Variants in GSE1 observed in about 807,000 individuals in gnomAD.
GSE1 encodes Gse1 coiled-coil protein, also known as genetic suppressor element 1.
Under a neutral mutation model 112.6 loss-of-function variants are expected in GSE1, and 32 were observed. That is an observed-to-expected ratio of 0.28 (90% CI 0.21 to 0.38). The LOEUF (loss-of-function observed/expected upper bound fraction) is 0.38. Among genes scored for constraint, GSE1 ranks in the 10% least tolerant of loss-of-function variants. GSE1 has a pLI of 1.00. For missense variants in GSE1, 2,348 were observed against 1,699.2 expected, an observed-to-expected ratio of 1.38 and a Z score of -6.71; for synonymous variants, 1,115 against 735.6, an observed-to-expected ratio of 1.52 and a Z score of -8.35.
intron 1 of GSE1, among the ~76,000 whole-genome samples, chr16:85,240,925 G>T (rs1905117904): frequency 6.6e-6 from 1 of 152,164 alleles, no homozygotes; most frequent in African/African-American, 2.4e-5. Flanking sequence ...GGAGAGATGT[G>T]TTCCCATCCT....
intron 2 of GSE1, among the ~76,000 whole-genome samples, chr16:85,372,084 C>T (rs1023670822): frequency 1.3e-5 from 2 of 152,312 alleles, no homozygotes; most frequent in East Asian, 3.9e-4. Flanking sequence ...GGGGTGTAAG[C>T]GGCTTCTCAC....
intron 1 of GSE1, among the ~76,000 whole-genome samples, chr16:85,247,571 C>G (rs1319242327): frequency 6.6e-6 from 1 of 152,220 alleles, no homozygotes; most frequent in Non-Finnish European, 1.5e-5. Flanking sequence ...TCTCCTAAGC[C>G]TGGCTCAAGC....
At chr16:85,345,282 G>A (rs9972750) in intron 1 of GSE1, among the ~76,000 whole-genome samples, 71,356 of 152,098 alleles carry the variant, frequency 0.47, 16,783 homozygotes, top group East Asian at 0.59. Flanking sequence ...TTTAGTGTCC[G>A]TAAATAAAGT....
intron 1 of GSE1, among the ~76,000 whole-genome samples, chr16:85,330,674 G>A (rs546698943): frequency 9.9e-5 from 15 of 152,172 alleles, no homozygotes; most frequent in Non-Finnish European, 1.8e-4. Flanking sequence ...ATCATTTTTT[G>A]TATGTTTAAA....
chr16:85,578,839 C>T lies in GSE1; in HGVS notation c.37+22476C>T, dbSNP rs565795252. Among the ~76,000 whole-genome samples, 24 of 152,190 alleles carry T rather than the reference C, an allele frequency of 1.6e-4. 1 individual carries two copies. Among genetic ancestry groups the T allele is most frequent in the Non-Finnish European group, 3.2e-4 (22 of 68,010 alleles). On this transcript the variant is annotated intron_variant, in intron 1 of 2. Coordinates refer to the GSE1 transcript ENST00000635906. ...GAGGCTCTCTGGCCACCGTGCACCCCGGTCACTCACCCATCCTGCACACCT... is the reference window on the plus strand; with the variant it reads ...GAGGCTCTCTGGCCACCGTGCACCCTGGTCACTCACCCATCCTGCACACCT...
intron 1 of GSE1, among the ~76,000 whole-genome samples, chr16:85,633,316 GGGTCTGCCCTGA>G (rs2049705165): frequency 6.6e-6 from 1 of 152,186 alleles, no homozygotes; most frequent in African/African-American, 2.4e-5. Flanking sequence ...GGGAGGCCGG[GGGTCTGCCCTGA>G]GTGCCCGCGT....
intron 1 of GSE1, among the ~76,000 whole-genome samples, chr16:85,273,811 T>C (rs1909088675): frequency 6.6e-6 from 1 of 151,562 alleles, no homozygotes; most frequent in South Asian, 2.1e-4. Context: ...TGCCTCAGAC[T>C]CCCAAGTAGC....
intron 2 of GSE1, chr16:85,489,680 C>G (rs2050950020): frequency 6.6e-6 from 1 of 152,234 alleles, no homozygotes; most frequent in Non-Finnish European, 1.5e-5. Flanking sequence ...AGTGTGGTGA[C>G]TCAGACCCCG....
At chr16:85,502,722 G>C (rs887858455) in intron 2 of GSE1, among the ~76,000 whole-genome samples, 3 of 152,238 alleles carry the variant, frequency 2.0e-5, no homozygotes, top group Non-Finnish European at 2.9e-5. Flanking sequence ...TCAAGTTCAA[G>C]GAGTGAGCTG....
chr16:85,434,874 C>A lies in GSE1; in HGVS notation c.2464+77231C>A, dbSNP rs59883912. Among the ~76,000 whole-genome samples the A allele has an allele frequency of 3.9e-5, 6 of 152,232 alleles. No homozygotes were observed. In the East Asian group the frequency reaches 1.2e-3, roughly 29 times the overall value. Reference sequence around the variant, plus strand: ...AAGACAGGCCAGGGGCTGGGCTTGCCCATCTTGGTCTGCTGCCCCGTCCTA... The same window carrying A: ...AAGACAGGCCAGGGGCTGGGCTTGCACATCTTGGTCTGCTGCCCCGTCCTA... On this transcript the variant is annotated intron_variant, in intron 2 of 2. Coordinates refer to the GSE1 transcript ENST00000637419.
chr16:85,227,404 G>A (rs2075507824), intron 1 of GSE1, among the ~76,000 whole-genome samples: 1 of 152,244 alleles, frequency 6.6e-6, no homozygotes, highest in Non-Finnish European at 1.5e-5. Flanking sequence ...AGAAGGGGCT[G>A]TGATCAGCTC....
At chr16:85,308,920 G>T (rs2045753670) in intron 1 of GSE1, among the ~76,000 whole-genome samples, 1 of 148,786 alleles carries the variant, frequency 6.7e-6, no homozygotes, top group Non-Finnish European at 1.5e-5. Flanking sequence ...TTTAGAGTGT[G>T]ACTTGGGGCT....
intron 3 of GSE1, among the ~76,000 whole-genome samples, chr16:85,652,531 T>G (rs1386678257): frequency 6.7e-6 from 1 of 149,644 alleles, no homozygotes; most frequent in Non-Finnish European, 1.5e-5. Flanking sequence ...ATGCTGCCTC[T>G]CATTGAAGAT....
intron 2 of GSE1, among the ~76,000 whole-genome samples, chr16:85,486,717 A>C (rs570868618): frequency 4.0e-5 from 6 of 150,032 alleles, no homozygotes; most frequent in African/African-American, 1.2e-4. Flanking sequence ...CAGCCTCTCC[A>C]TGCCCGGGAC....
chr16:85,315,574 G>C (rs1269008607), intron 1 of GSE1, among the ~76,000 whole-genome samples: 1 of 152,116 alleles, frequency 6.6e-6, no homozygotes, highest in African/African-American at 2.4e-5. Context: ...ATGGGGACAA[G>C]AGTAACCAAA....
intron 2 of GSE1, among the ~76,000 whole-genome samples, chr16:85,413,066 C>A (rs1328018911): frequency 6.6e-6 from 1 of 152,230 alleles, no homozygotes; most frequent in Non-Finnish European, 1.5e-5. Flanking sequence ...GGGGCCGCCC[C>A]ACGGAGCCCC....
intron 1 of GSE1, among the ~76,000 whole-genome samples, chr16:85,315,719 G>A (rs1468766193): frequency 6.6e-6 from 1 of 152,252 alleles, no homozygotes; most frequent in African/African-American, 2.4e-5. Context: ...TAGTATAAAA[G>A]TCTATCCCAT....
At chr16:85,187,728 AC>A (rs1401654255) in intron 1 of GSE1, among the ~76,000 whole-genome samples, 1 of 152,072 alleles carries the variant, frequency 6.6e-6, no homozygotes, top group Non-Finnish European at 1.5e-5. Flanking sequence ...TGGGCTCCTC[AC>A]CCACACACAG....
rs2046349751 is a variant in GSE1, at chr16:85,331,422, T to TGTATATATATGCGTATATAC, written c.2284-26033_2284-26032insATGCGTATATACGTATATAT. 1.7e-4 allele frequency among the ~76,000 whole-genome samples: 16 copies of TGTATATATATGCGTATATAC among 94,630 alleles called. 1 individual carries two copies. Among genetic ancestry groups the TGTATATATATGCGTATATAC allele is most frequent in the Non-Finnish European group, 3.7e-4 (15 of 40,504 alleles). 62.1% of individuals were successfully genotyped at this position (94,630 alleles called of 152,430 possible). On this transcript the variant is annotated intron_variant, in intron 1 of 2. Transcript: ENST00000637419. ...ATATATGTATATATATGCGTATATA[T>TGTATATATATGCGTATATAC]GTATATATGTATATATATGCGTATA...
Sources: allele counts gnomAD v4.1 joint callset (sites outside exome capture counted in the v4.1 genomes callset), GRCh38; gene constraint gnomAD v4.1.1; transcripts MANE v1.5; gene names NCBI Gene and HGNC (gene_info 2026-07-23, HGNC 2026-07-21).